CSNK1G1: variants seen among roughly 807,000 people sequenced by gnomAD.
The protein encoded by CSNK1G1 is casein kinase I isoform gamma-1.
CSNK1G1 carries 22 observed loss-of-function variants against 59.6 expected under a neutral mutation model. That is an observed-to-expected ratio of 0.37 (90% CI 0.26 to 0.53). The LOEUF (loss-of-function observed/expected upper bound fraction) is 0.53. CSNK1G1 is among the 20% of genes least tolerant of loss of function. The probability of loss-of-function intolerance (pLI) is 0.89; values close to 1 mark genes in which losing one functional copy is unlikely to be tolerated. For synonymous variants in CSNK1G1, 179 were observed against 177.1 expected (o/e 1.01, Z -0.08); for missense variants, 384 against 519.5 (o/e 0.74, Z 2.54).
chr15:64,338,688 G>A (rs1897516505), intron 1 of CSNK1G1, among the ~76,000 whole-genome samples: 1 of 73,436 alleles, frequency 1.4e-5, no homozygotes, highest in Non-Finnish European at 2.4e-5. Context: ...CAACAAGAGT[G>A]AAACTCGGTC....
intron 3 of CSNK1G1, 54 bp downstream of exon 3, chr15:64,259,147 A>T (rs374329682): frequency 2.8e-6 from 4 of 1,425,678 alleles, no homozygotes; most frequent in South Asian, 2.5e-5. Flanking sequence ...CTATAAAAAG[A>T]TATAAGCAAT....
intron 2 of CSNK1G1, among the ~76,000 whole-genome samples, chr15:64,278,471 C>G (rs1893924889): frequency 6.7e-6 from 1 of 149,738 alleles, no homozygotes; most frequent in African/African-American, 2.5e-5. Flanking sequence ...TTCTGTCACC[C>G]AGGCTGGAGT....
intron 10 of CSNK1G1, among the ~76,000 whole-genome samples, chr15:64,192,323 TGG>T (rs2081982764): frequency 6.6e-6 from 1 of 152,226 alleles, no homozygotes; most frequent in African/African-American, 2.4e-5. Flanking sequence ...TCTCAAGTAG[TGG>T]TAACTCCTTG....
At chr15:64,282,168 A>G (rs1894178153) in intron 2 of CSNK1G1, among the ~76,000 whole-genome samples, 1 of 151,884 alleles carries the variant, frequency 6.6e-6, no homozygotes, top group South Asian at 2.1e-4. Flanking sequence ...GCTTCAAGTG[A>G]TCCTCCTGCC....
At chr15:64,301,401 C>T (rs1266810658) in intron 1 of CSNK1G1, among the ~76,000 whole-genome samples, 1 of 151,028 alleles carries the variant, frequency 6.6e-6, no homozygotes, top group Non-Finnish European at 1.5e-5. Flanking sequence ...GCGTAACATT[C>T]ATCTCTACCA....
At chr15:64,215,653 T>C (rs2082303071) in intron 5 of CSNK1G1, among the ~76,000 whole-genome samples, 1 of 152,224 alleles carries the variant, frequency 6.6e-6, no homozygotes, top group South Asian at 2.1e-4. Context: ...AATGAAGATA[T>C]ATTTGCATCC....
chr15:64,323,226 C>T (rs958813284), intron 1 of CSNK1G1, among the ~76,000 whole-genome samples: 1 of 152,148 alleles, frequency 6.6e-6, no homozygotes, highest in Non-Finnish European at 1.5e-5. Context: ...CACAACCAGC[C>T]TCCTCTTGCT....
At chr15:64,244,719 C>A (rs1322254099) in intron 4 of CSNK1G1, among the ~76,000 whole-genome samples, 1 of 151,786 alleles carries the variant, frequency 6.6e-6, no homozygotes, top group Non-Finnish European at 1.5e-5. Context: ...CCCACCTCTA[C>A]AAAAAATTAG....
chr15:64,189,457 C>T (rs1246895157), intron 10 of CSNK1G1: 3 of 1,288,226 alleles, frequency 2.3e-6, no homozygotes, highest in African/African-American at 1.5e-5. Context: ...CATCATAATG[C>T]TCAGCTGTAA....
At chr15:64,314,826 G>A (rs1896185649) in intron 1 of CSNK1G1, among the ~76,000 whole-genome samples, 1 of 152,162 alleles carries the variant, frequency 6.6e-6, no homozygotes, top group South Asian at 2.1e-4. Flanking sequence ...CTTTAAGGCT[G>A]AATATGTATA....
intron 4 of CSNK1G1, among the ~76,000 whole-genome samples, chr15:64,239,167 T>C (rs1353203547): frequency 2.0e-5 from 3 of 152,062 alleles, no homozygotes; most frequent in Non-Finnish European, 4.4e-5. Context: ...TCAAAGCCAC[T>C]CTAGAAAGTT....
chr15:64,241,350 CAG>C (rs1596145874), intron 4 of CSNK1G1, among the ~76,000 whole-genome samples: 1 of 152,200 alleles, frequency 6.6e-6, no homozygotes, highest in East Asian at 1.9e-4. Flanking sequence ...TCAGAGCACT[CAG>C]AAAGATAAAA....
chr15:64,352,949 C>A (rs1356997519), intron 1 of CSNK1G1, among the ~76,000 whole-genome samples: 1 of 151,922 alleles, frequency 6.6e-6, no homozygotes, highest in Non-Finnish European at 1.5e-5. Context: ...ATTAGCTGGA[C>A]ATGGTGGCAC....
intron 2 of CSNK1G1, among the ~76,000 whole-genome samples, chr15:64,289,956 T>C (rs1006307532): frequency 2.0e-5 from 3 of 152,172 alleles, no homozygotes; most frequent in African/African-American, 7.2e-5. Flanking sequence ...GATATAATTT[T>C]ATACCAGTCA....
Position 64,216,692 on chromosome 15 carries a change from T to C in CSNK1G1, c.314A>G (p.Tyr105Cys), listed in dbSNP as rs751461765. The C allele has an allele frequency of 3.9e-5, 63 of 1,613,914 alleles. No homozygotes were observed. Among genetic ancestry groups the C allele is most frequent in the Middle Eastern group, 1.6e-4 (1 of 6,082 alleles). Residue 105 changes from tyrosine (Y) to cysteine (C), a missense_variant, in exon 5 of 12, where the codon TAT becomes TGT. By Grantham distance (194) the Tyr-to-Cys change is radical. This residue lies in a region of CSNK1G1 where 325 missense variants were observed against 440.9 expected (regional missense o/e 0.74). Coordinates refer to ENST00000303052, the MANE Select transcript of CSNK1G1 (RefSeq NM_022048.5). The surrounding 1 kb of genome is among the most constrained non-coding windows in gnomAD (Gnocchi z 4.6). ...GSAGEGLPQV[Y>C]YFGPCGKYNA... ...ATATTTCCCACATGGTCCAAAGTAA[T>C]ACACCTGTGGGAGACCTTCACCTGA...
chr15:64,225,421 G>A (rs1408279809), intron 4 of CSNK1G1, among the ~76,000 whole-genome samples: 1 of 152,134 alleles, frequency 6.6e-6, no homozygotes, highest in African/African-American at 2.4e-5. Context: ...TGTCAGGAAT[G>A]GGAATGTCTG....
At chr15:64,197,661 C>G (rs2082054886) in intron 10 of CSNK1G1, among the ~76,000 whole-genome samples, 1 of 152,218 alleles carries the variant, frequency 6.6e-6, no homozygotes, top group Non-Finnish European at 1.5e-5. Context: ...CAAGGGAATT[C>G]ACTGCCTGCT....
intron 2 of CSNK1G1, among the ~76,000 whole-genome samples, chr15:64,283,896 G>C (rs1201107134): frequency 1.3e-5 from 2 of 152,098 alleles, no homozygotes; most frequent in Non-Finnish European, 2.9e-5. Context: ...TCATAACTAA[G>C]AATCCACTGG....
intron 11 of CSNK1G1, among the ~76,000 whole-genome samples, chr15:64,173,762 C>T (rs1269579091): frequency 1.3e-5 from 2 of 151,450 alleles, no homozygotes; most frequent in African/African-American, 2.4e-5. Flanking sequence ...AGCTGGTGCC[C>T]ACCAGCACAC....
Sources: allele counts gnomAD v4.1 joint callset (sites outside exome capture counted in the v4.1 genomes callset), GRCh38; gene constraint gnomAD v4.1.1; regional missense constraint gnomAD v4.1.1; non-coding constraint Gnocchi (gnomAD v3.1); transcripts MANE v1.5; gene names NCBI Gene and HGNC (gene_info 2026-07-23, HGNC 2026-07-21).